The following PLCXD3 variants were observed in gnomAD, a reference collection of about 807,000 sequenced individuals.
PLCXD3 encodes the protein phosphatidylinositol specific phospholipase C X domain containing 3.
Under a neutral mutation model 25.5 loss-of-function variants are expected in PLCXD3, and 19 were observed. The ratio of observed to expected loss-of-function variants is 0.75; its 90% confidence interval spans 0.52 to 1.09. The LOEUF is 1.09. PLCXD3 is among the 50% of genes least tolerant of loss of function. The probability of loss-of-function intolerance (pLI) is 0.00; values close to 1 mark genes in which losing one functional copy is unlikely to be tolerated. For missense variants in PLCXD3, 411 were observed against 388.1 expected (o/e 1.06, Z -0.50); for synonymous variants, 174 against 137.6 (o/e 1.26, Z -1.85).
At chr5:41,426,069 C>T (rs111291312) in intron 1 of PLCXD3, among the ~76,000 whole-genome samples, 4,993 of 152,206 alleles carry the variant, frequency 0.033, 113 homozygotes, top group Non-Finnish European at 0.047. Flanking sequence ...TACATTCCCA[C>T]GAGCAATGAA....
chr5:41,399,967 T>G (rs927070769), intron 1 of PLCXD3, among the ~76,000 whole-genome samples: 1 of 152,058 alleles, frequency 6.6e-6, no homozygotes, highest in Non-Finnish European at 1.5e-5. Context: ...AACCAGAATA[T>G]ATAAGGAGCT....
At chr5:41,492,318 G>C (rs1278653437) in intron 1 of PLCXD3, among the ~76,000 whole-genome samples, 2 of 152,162 alleles carry the variant, frequency 1.3e-5, no homozygotes, top group African/African-American at 4.8e-5. Flanking sequence ...TTAGTCTGAT[G>C]GGCTTCCCTT....
At chr5:41,472,566 T>C (rs1454488124) in intron 1 of PLCXD3, among the ~76,000 whole-genome samples, 1 of 152,238 alleles carries the variant, frequency 6.6e-6, no homozygotes, top group Non-Finnish European at 1.5e-5. Flanking sequence ...ATAATTAAAG[T>C]AGGCACTTAA....
At chr5:41,397,927 G>A (rs887169478) in intron 1 of PLCXD3, among the ~76,000 whole-genome samples, 23 of 152,176 alleles carry the variant, frequency 1.5e-4, no homozygotes, top group African/African-American at 5.6e-4. Flanking sequence ...CTTTTGGAAT[G>A]GGAGGATTTA....
intron 1 of PLCXD3, among the ~76,000 whole-genome samples, chr5:41,445,936 C>G (rs1193639860): frequency 1.3e-5 from 2 of 151,484 alleles, no homozygotes; most frequent in Admixed American, 6.6e-5. Flanking sequence ...GCCTGTAATC[C>G]CAGCACTTTG....
intron 2 of PLCXD3, among the ~76,000 whole-genome samples, chr5:41,346,376 C>G (rs1299983696): frequency 6.6e-6 from 1 of 152,166 alleles, no homozygotes; most frequent in East Asian, 1.9e-4. Context: ...TTAGGGTTCA[C>G]TCTGTGTTGC....
chr5:41,415,259 A>G (rs1171389225), intron 1 of PLCXD3, among the ~76,000 whole-genome samples: 1 of 152,172 alleles, frequency 6.6e-6, no homozygotes, highest in Non-Finnish European at 1.5e-5. Flanking sequence ...CTCTTTCTGT[A>G]CTTTTTAAAA....
intron 1 of PLCXD3, among the ~76,000 whole-genome samples, chr5:41,410,507 C>A (rs1746488364): frequency 6.6e-6 from 1 of 152,178 alleles, no homozygotes; most frequent in South Asian, 2.1e-4. Context: ...TGTCGCAATG[C>A]CAAGCCCTGC....
intron 1 of PLCXD3, among the ~76,000 whole-genome samples, chr5:41,436,253 T>C (rs1747252547): frequency 6.6e-6 from 1 of 151,880 alleles, no homozygotes; most frequent in Admixed American, 6.6e-5. Context: ...AAGCTATGTA[T>C]CACTGAATGC....
chr5:41,359,817 GATA>G (rs1369953090), intron 2 of PLCXD3, among the ~76,000 whole-genome samples: 1 of 152,096 alleles, frequency 6.6e-6, no homozygotes, highest in Non-Finnish European at 1.5e-5. Flanking sequence ...GTGCCTAGGT[GATA>G]ATCTCTTTGT....
At chr5:41,470,846 T>C (rs1334834460) in intron 1 of PLCXD3, among the ~76,000 whole-genome samples, 2 of 152,140 alleles carry the variant, frequency 1.3e-5, no homozygotes, top group Non-Finnish European at 2.9e-5. Context: ...AGCAGATACA[T>C]TTGCCACCTG....
intron 1 of PLCXD3, among the ~76,000 whole-genome samples, chr5:41,473,337 G>T (rs6451576): frequency 0.9 from 136,592 of 152,186 alleles, 61,617 homozygotes; most frequent in Admixed American, 0.94. Context: ...CTCATACAAA[G>T]TGATAGCACA....
intron 1 of PLCXD3, among the ~76,000 whole-genome samples, chr5:41,486,312 C>T (rs1157939593): frequency 6.6e-6 from 1 of 151,876 alleles, no homozygotes; most frequent in African/African-American, 2.4e-5. Flanking sequence ...TGGTGGTCAT[C>T]GTCCCCCCTG....
intron 1 of PLCXD3, among the ~76,000 whole-genome samples, chr5:41,502,204 C>T (rs1358854754): frequency 6.6e-6 from 1 of 151,994 alleles, no homozygotes; most frequent in African/African-American, 2.4e-5. Context: ...CTAGATCTTC[C>T]TCTTATTTAA....
At chr5:41,378,536 C>T (rs952112987) in intron 2 of PLCXD3, among the ~76,000 whole-genome samples, 6 of 151,942 alleles carry the variant, frequency 3.9e-5, no homozygotes, top group African/African-American at 1.4e-4. Context: ...CTCTACTATT[C>T]CAGATACATA....
At chr5:41,395,436 C>T (rs949686676) in intron 1 of PLCXD3, among the ~76,000 whole-genome samples, 2 of 151,494 alleles carry the variant, frequency 1.3e-5, no homozygotes, top group African/African-American at 4.8e-5. Context: ...AAAAACAAAA[C>T]CCATAATTAG....
At chr5:41,418,283 T>C (rs1323320085) in intron 1 of PLCXD3, among the ~76,000 whole-genome samples, 2 of 152,194 alleles carry the variant, frequency 1.3e-5, no homozygotes, top group South Asian at 4.1e-4. Flanking sequence ...TTCTCTTTTG[T>C]TTTTAAGATA....
At chr5:41,359,446 G>A (rs932746628) in intron 2 of PLCXD3, among the ~76,000 whole-genome samples, 1 of 151,990 alleles carries the variant, frequency 6.6e-6, no homozygotes, top group African/African-American at 2.4e-5. Flanking sequence ...AATCTGGGAG[G>A]GTTGTATATT....
chr5:41,317,454 T>C (rs148064361), intron 2 of PLCXD3, among the ~76,000 whole-genome samples: 19 of 152,120 alleles, frequency 1.2e-4, no homozygotes, highest in Admixed American at 9.2e-4. Context: ...TGTCCAGACA[T>C]TGAAGAATAT....
Sources: allele counts gnomAD v4.1 joint callset (sites outside exome capture counted in the v4.1 genomes callset), GRCh38; gene constraint gnomAD v4.1.1; transcripts MANE v1.5; gene names NCBI Gene and HGNC (gene_info 2026-07-23, HGNC 2026-07-21).